Variants in TSHZ1 observed in about 807,000 individuals in gnomAD.
TSHZ1 encodes teashirt homolog 1.
Under a neutral mutation model 67.1 loss-of-function variants are expected in TSHZ1, and 12 were observed. The observed-to-expected ratio is 0.18, with a 90% CI of 0.11 to 0.29. The LOEUF is 0.29. Among genes scored for constraint, TSHZ1 ranks in the 10% least tolerant of loss-of-function variants. The pLI, the probability that TSHZ1 is intolerant of heterozygous loss-of-function variation, is 1.00. For synonymous variants in TSHZ1, 632 were observed against 622.4 expected (o/e 1.02, Z -0.23); for missense variants, 1,305 against 1,413.9 (o/e 0.92, Z 1.23).
In TSHZ1 at chr18:75,222,047, G is replaced by A. The variant is rs575156975; in HGVS notation, c.40+10131G>A. ...GAAGTGATTCAGATTGTTAGTGCTT[G>A]GTGCATTGTCTGTATATGAAACACT... On this transcript the variant is annotated intron_variant, in intron 1 of 1. Transcript: ENST00000580243. Among the ~76,000 whole-genome samples, 59 of 152,296 alleles carry A rather than the reference G, an allele frequency of 3.9e-4. 2 individuals carry two copies. The highest frequency in any genetic ancestry group is 1.3e-3 in the African/African-American group (56 of 41,532).
intron 1 of TSHZ1, among the ~76,000 whole-genome samples, chr18:75,249,673 G>A (rs1017631248): frequency 1.4e-4 from 20 of 146,394 alleles, no homozygotes; most frequent in African/African-American, 1.3e-4. Context: ...GGTGGGGGAC[G>A]TATGACCTCC....
At chr18:75,217,242 A>T (rs2022781795) in intron 1 of TSHZ1, among the ~76,000 whole-genome samples, 1 of 152,224 alleles carries the variant, frequency 6.6e-6, no homozygotes, top group Admixed American at 6.5e-5. Flanking sequence ...GAAATAGATA[A>T]TCATTGATTG....
Position 75,212,968 on chromosome 18 carries a change from T to C in TSHZ1, c.40+1052T>C, listed in dbSNP as rs540977822. 1.0e-3 allele frequency among the ~76,000 whole-genome samples: 153 copies of C among 152,318 alleles called. 1 individual carries two copies. The highest frequency in any genetic ancestry group is 6.2e-3 in the East Asian group (32 of 5,190). ...TCGCTAAATAATAGAGTAAATCAACTCTCTCCAAGCTCTTAGGGTAAAAAT... is the reference window on the plus strand; with the variant it reads ...TCGCTAAATAATAGAGTAAATCAACCCTCTCCAAGCTCTTAGGGTAAAAAT... On this transcript the variant is annotated intron_variant, in intron 1 of 1. Transcript: ENST00000580243.
At chr18:75,282,899 C>T (rs1398878245) in intron 1 of TSHZ1, 1 of 152,424 alleles carries the variant, frequency 6.6e-6, no homozygotes, top group Non-Finnish European at 1.5e-5. Flanking sequence ...CTTCAGGCAC[C>T]TGTGGCCGGG....
At chr18:75,246,827 A>G (rs138814200) in intron 1 of TSHZ1, among the ~76,000 whole-genome samples, 104 of 152,288 alleles carry the variant, frequency 6.8e-4, no homozygotes, top group African/African-American at 2.4e-3. Context: ...TAATGCTAGC[A>G]GGTGAACTTC....
chr18:75,265,813 C>G (rs1000679242), intron 1 of TSHZ1, among the ~76,000 whole-genome samples: 1 of 152,114 alleles, frequency 6.6e-6, no homozygotes, highest in Non-Finnish European at 1.5e-5. Context: ...CTATTTCCCC[C>G]CCTTACTCGA....
At chr18:75,239,531 G>A (rs545675398) in intron 1 of TSHZ1, among the ~76,000 whole-genome samples, 1 of 152,084 alleles carries the variant, frequency 6.6e-6, no homozygotes, top group African/African-American at 2.4e-5. Context: ...GACTGGATCT[G>A]GCTCTGTCGT....
At position 75,288,745 on chromosome 18, in the gene TSHZ1, C is replaced by G; in HGVS notation, c.*104C>G. ...ATCAGTCTTTCCTTTGTTGCTGGCC[C>G]GCCTCTCTGGACCTTGGTTTTCTTA... is the stretch of plus-strand genomic sequence containing the variant. On this transcript the variant is annotated 3_prime_UTR_variant, in exon 2 of 2. Transcript: ENST00000580243. This position sits in a 1 kb window ranked among gnomAD's most constrained non-coding sequence, Gnocchi z 4.9. 6.7e-7 allele frequency: 1 copy of G among 1,491,064 alleles called. No individual in the cohort carries two copies. Among genetic ancestry groups the G allele is most frequent in the Non-Finnish European group, 8.9e-7 (1 of 1,122,588 alleles). 92.4% of individuals were successfully genotyped at this position (1,491,064 alleles called of 1,614,324 possible).
At chr18:75,212,783 C>G (rs1464192582) in intron 1 of TSHZ1, among the ~76,000 whole-genome samples, 1 of 152,202 alleles carries the variant, frequency 6.6e-6, no homozygotes, top group East Asian at 1.9e-4. Context: ...CTCAGCTCAC[C>G]TACTAATCCA....
intron 1 of TSHZ1, among the ~76,000 whole-genome samples, chr18:75,244,043 A>AAAATAT (rs1405074559): frequency 6.6e-6 from 1 of 152,208 alleles, no homozygotes; most frequent in Admixed American, 6.5e-5. Flanking sequence ...TTATATTAGG[A>AAAATAT]AAAAGCTTGT....
Position 75,286,763 on chromosome 18 carries a change from C to T in TSHZ1, c.1356C>T (p.Gly452=), listed in dbSNP as rs571038490. The part of the protein sequence containing the change: ...LKVTTSASKK[G]KQLVLDPVVE... ...TGACCACCTCGGCTTCTAAGAAGGG[C>T]AAGCAGTTGGTGCTGGACCCTGTGG... The change falls in exon 2 of 2, where the codon GGC becomes GGT. Residue 452 remains glycine, a synonymous_variant. Transcript: ENST00000580243. The surrounding 1 kb of genome is among the most constrained non-coding windows in gnomAD (Gnocchi z 5.1). 6.2e-6 allele frequency: 10 copies of T among 1,613,578 alleles called. No individual in the cohort carries two copies. In the South Asian group the frequency reaches 9.9e-5, roughly 16 times the overall value.
At chr18:75,270,565 A>G (rs1256272379) in intron 1 of TSHZ1, among the ~76,000 whole-genome samples, 1 of 152,206 alleles carries the variant, frequency 6.6e-6, no homozygotes, top group Non-Finnish European at 1.5e-5. Flanking sequence ...ATCCAAGAAT[A>G]TATTTGCTTC....
At chr18:75,260,066 C>T (rs1194895124) in intron 1 of TSHZ1, among the ~76,000 whole-genome samples, 1 of 152,200 alleles carries the variant, frequency 6.6e-6, no homozygotes, top group African/African-American at 2.4e-5. Context: ...GCCCATGATT[C>T]AGCCGTTCTT....
chr18:75,254,712 A>G (rs1599042410), intron 1 of TSHZ1, among the ~76,000 whole-genome samples: 1 of 152,346 alleles, frequency 6.6e-6, no homozygotes, highest in African/African-American at 2.4e-5. Flanking sequence ...TATGAAAAGC[A>G]CAGCACTGTG....
chr18:75,278,316 A>T (rs1324834707), intron 1 of TSHZ1, among the ~76,000 whole-genome samples: 2 of 152,144 alleles, frequency 1.3e-5, no homozygotes, highest in Non-Finnish European at 2.9e-5. Context: ...CCTGATACAG[A>T]CGTAGCAAAA....
intron 1 of TSHZ1, among the ~76,000 whole-genome samples, chr18:75,263,655 T>C (rs952396575): frequency 1.3e-5 from 2 of 152,224 alleles, no homozygotes; most frequent in African/African-American, 4.8e-5. Flanking sequence ...TTGTTTGTTA[T>C]GTTGTTTGTA....
In TSHZ1 at chr18:75,218,034, T is replaced by A. The variant is rs148251586; in HGVS notation, c.40+6118T>A. 1.9e-3 allele frequency among the ~76,000 whole-genome samples: 284 copies of A among 152,328 alleles called. 2 individuals carry two copies. Among genetic ancestry groups the A allele is most frequent in the African/African-American group, 6.3e-3 (262 of 41,576 alleles). ...TAATCAAGCCCTAATGCCTTGACTT[T>A]ATGTGTAAGATGTGCACTATTGTTG... is the stretch of plus-strand genomic sequence containing the variant. On this transcript the variant is annotated intron_variant, in intron 1 of 1. Transcript: ENST00000580243.
chr18:75,262,864 T>C (rs930784105), intron 1 of TSHZ1, among the ~76,000 whole-genome samples: 4 of 152,362 alleles, frequency 2.6e-5, no homozygotes, highest in South Asian at 4.1e-4. Context: ...GCATTGTGCT[T>C]CTGACCTTCG....
chr18:75,224,051 T>A (rs2022884789), intron 1 of TSHZ1, among the ~76,000 whole-genome samples: 1 of 100,500 alleles, frequency 1.0e-5, no homozygotes, highest in African/African-American at 3.6e-5. Flanking sequence ...AAGACTTCAG[T>A]TTAAACTTGT....
Sources: gnomAD v4.1 joint callset for allele counts (sites outside exome capture counted in the v4.1 genomes callset) on GRCh38, gnomAD v4.1.1 for gene constraint, Gnocchi (gnomAD v3.1) non-coding constraint, MANE v1.5 for transcripts, NCBI Gene and HGNC (gene_info 2026-07-23, HGNC 2026-07-21) for gene names.